MTMR3: variants seen among roughly 807,000 people sequenced by gnomAD.
MTMR3 encodes the protein myotubularin related protein 3.
In MTMR3, 32 loss-of-function variants were observed where a neutral mutation model predicts 132.4. That is an observed-to-expected ratio of 0.24 (90% confidence interval 0.18 to 0.32). MTMR3 has a LOEUF of 0.32. MTMR3 is among the 10% of genes least tolerant of loss of function. The pLI, the probability that MTMR3 is intolerant of heterozygous loss-of-function variation, is 1.00. For missense variants in MTMR3, 1,216 were observed against 1,489.6 expected (o/e 0.82, Z 3.02); for synonymous variants, 556 against 550.3 (o/e 1.01, Z -0.14).
chr22:30,020,955 C>A, intron 17 of MTMR3, 71 bp downstream of exon 17: 1 of 1,400,172 alleles, frequency 7.1e-7, no homozygotes, highest in South Asian at 1.4e-5. Flanking sequence ...GCCCTTTGTG[C>A]CCAGTGCATG....
chr22:29,984,614 G>A (rs2066820712), intron 5 of MTMR3: 1 of 152,222 alleles, frequency 6.6e-6, no homozygotes, highest in Admixed American at 6.5e-5. Context: ...GAAAAGCATT[G>A]TAAGGTGAGA....
chr22:29,966,788 TGTGA>T (rs1293438140), intron 2 of MTMR3, among the ~76,000 whole-genome samples: 1 of 151,074 alleles, frequency 6.6e-6, no homozygotes, highest in Admixed American at 6.6e-5. Flanking sequence ...TCTGTGTGTG[TGTGA>T]GAGAGAGAAT....
intron 3 of MTMR3, among the ~76,000 whole-genome samples, chr22:29,976,104 T>A (rs566801791): frequency 6.7e-6 from 1 of 149,018 alleles, no homozygotes; most frequent in East Asian, 2.0e-4. Flanking sequence ...AAAGTTGACA[T>A]TTTATTATAG....
At chr22:29,942,647 G>C (rs546681786) in intron 1 of MTMR3, among the ~76,000 whole-genome samples, 14 of 152,180 alleles carry the variant, frequency 9.2e-5, no homozygotes, top group African/African-American at 3.1e-4. Context: ...CCTCAGGGAC[G>C]CATTCTCTTT....
chr22:30,007,770 A>C, intron 10 of MTMR3, 131 bp from the exon 11 acceptor site: 1 of 1,068,758 alleles, frequency 9.4e-7, no homozygotes, highest in Non-Finnish European at 1.3e-6. Context: ...CCTATGTATC[A>C]AGGGTTTTGG....
intron 2 of MTMR3, among the ~76,000 whole-genome samples, chr22:29,970,700 A>G (rs1353916891): frequency 1.3e-5 from 2 of 151,836 alleles, no homozygotes; most frequent in Non-Finnish European, 2.9e-5. Context: ...TTGTTTTACT[A>G]CGAACATTAG....
intron 1 of MTMR3, among the ~76,000 whole-genome samples, chr22:29,921,785 A>G (rs1472809627): frequency 6.6e-6 from 1 of 151,412 alleles, no homozygotes; most frequent in Non-Finnish European, 1.5e-5. Flanking sequence ...ATAATATTTG[A>G]CCTTCTATGA....
In MTMR3 at chr22:30,025,450, G is replaced by A. The variant is rs1051871712; in HGVS notation, c.3426-180G>A. ...CAAAGTGAAAATGACATGTGACTCTGCTAGGTAGGGACACCCTCCCTACCC... is the reference window on the plus strand; with the variant it reads ...CAAAGTGAAAATGACATGTGACTCTACTAGGTAGGGACACCCTCCCTACCC... On this transcript the variant is annotated intron_variant, in intron 19 of 19. Coordinates refer to ENST00000401950, the MANE Select transcript of MTMR3 (RefSeq NM_021090.4). 6.4e-6 allele frequency: 4 copies of A among 621,536 alleles called. No individual in the cohort carries two copies. In the African/African-American group the frequency reaches 7.4e-5, roughly 11 times the overall value. 38.5% of individuals were successfully genotyped at this position (621,536 alleles called of 1,614,324 possible).
At chr22:29,894,705 T>C (rs1450053094) in intron 1 of MTMR3, among the ~76,000 whole-genome samples, 1 of 152,150 alleles carries the variant, frequency 6.6e-6, no homozygotes, top group East Asian at 1.9e-4. Flanking sequence ...GTTGAGCCGT[T>C]CTAAGTTTAT....
chr22:29,946,021 T>TTTTGTGTGTGTG lies in MTMR3; in HGVS notation c.-137-11014_-137-11013insTTGTGTGTGTGT, dbSNP rs144010124. On this transcript the variant is annotated intron_variant, in intron 1 of 19. Coordinates refer to ENST00000401950, the MANE Select transcript of MTMR3 (RefSeq NM_021090.4). ...AAAACTTGTGTGTGTGTGTATATAT[T>TTTTGTGTGTGTG]TGTGTGTGTGTGTGTGTAAGGTAAT... Among the ~76,000 whole-genome samples, 276 of 150,894 alleles carry TTTTGTGTGTGTG rather than the reference T, an allele frequency of 1.8e-3. 2 individuals are homozygous for TTTTGTGTGTGTG. Among genetic ancestry groups the TTTTGTGTGTGTG allele is most frequent in the African/African-American group, 6.4e-3 (262 of 41,200 alleles).
intron 1 of MTMR3, among the ~76,000 whole-genome samples, chr22:29,902,965 G>C (rs775033063): frequency 6.6e-6 from 1 of 152,178 alleles, no homozygotes; most frequent in African/African-American, 2.4e-5. Context: ...GCTCACGCCT[G>C]GAATCCTAGC....
rs761761522 is a variant in MTMR3, at chr22:30,025,773, A to G, written c.3569A>G (p.Asp1190Gly). Residue 1190 changes from aspartate (D) to glycine (G), a missense_variant, in exon 20 of 20, where the codon GAT (aspartate) becomes GGT (glycine). This residue lies in a region of MTMR3 where 852 missense variants were observed against 852.0 expected (regional missense o/e 1.00). Transcript: ENST00000401950. ...PTSSSIDLEL[D>G]KPIAATSN is the part of the protein sequence containing the mutation. ...AGCTCCAGCATTGACCTTGAACTGG[A>G]TAAGCCCATTGCTGCCACTTCCAAC... The G allele has an allele frequency of 6.2e-7, 1 of 1,614,152 alleles. No homozygotes were observed. Among genetic ancestry groups the G allele is most frequent in the South Asian group, 1.1e-5 (1 of 91,074 alleles).
chr22:29,930,762 A>T (rs1396101937), intron 1 of MTMR3, among the ~76,000 whole-genome samples: 1 of 151,996 alleles, frequency 6.6e-6, no homozygotes, highest in Non-Finnish European at 1.5e-5. Context: ...GCACTTTGGG[A>T]AGCTGGGGCA....
intron 1 of MTMR3, among the ~76,000 whole-genome samples, chr22:29,923,266 G>T (rs1205025624): frequency 6.6e-5 from 10 of 150,808 alleles, no homozygotes; most frequent in Non-Finnish European, 4.4e-5. Context: ...TGGAGACGGG[G>T]TTTCACCATG....
At chr22:30,004,231 A>C (rs1450239890) in intron 9 of MTMR3, 2 of 152,186 alleles carry the variant, frequency 1.3e-5, no homozygotes, top group African/African-American at 4.8e-5. Flanking sequence ...GGAACTAGAG[A>C]GTAGTGAAAG....
chr22:29,928,392 G>A (rs1460097791), intron 1 of MTMR3, among the ~76,000 whole-genome samples: 1 of 151,784 alleles, frequency 6.6e-6, no homozygotes, highest in East Asian at 1.9e-4. Flanking sequence ...TGTTGGTCTC[G>A]AACTCCTGAC....
At chr22:29,950,598 G>A (rs1358229994) in intron 1 of MTMR3, among the ~76,000 whole-genome samples, 2 of 152,068 alleles carry the variant, frequency 1.3e-5, no homozygotes, top group Non-Finnish European at 2.9e-5. Flanking sequence ...TCCTCACCGC[G>A]TGATCTGCCC....
chr22:29,978,677 A>G (rs1377260718), intron 4 of MTMR3, 146 bp downstream of exon 4: 3 of 665,792 alleles, frequency 4.5e-6, no homozygotes, highest in Non-Finnish European at 7.5e-6. Context: ...ATCTCATTTT[A>G]GCAAGACTTA....
In MTMR3 at chr22:29,971,025, A is replaced by T. The variant is rs16988135; in HGVS notation, c.-35A>T. The T allele has an allele frequency of 0.17, 247,694 of 1,499,430 alleles. 20,781 individuals are homozygous for T. The highest frequency in any genetic ancestry group is 0.23 in the South Asian group (19,912 of 85,446). 92.9% of individuals were successfully genotyped at this position (1,499,430 alleles called of 1,614,324 possible). On this transcript the variant is annotated 5_prime_UTR_variant, in exon 3 of 20. Transcript: ENST00000401950. ...AGCCTTGTTGGACACTGAAGAAGGG[A>T]CGGGGATTTCTCCTCCTAATCTGGG...
Sources: allele counts gnomAD v4.1 joint callset (sites outside exome capture counted in the v4.1 genomes callset), GRCh38; gene constraint gnomAD v4.1.1; regional missense constraint gnomAD v4.1.1; transcripts MANE v1.5; gene names NCBI Gene and HGNC (gene_info 2026-07-23, HGNC 2026-07-21).